Variants in ATRX observed in about 807,000 individuals in gnomAD.
The protein encoded by ATRX is ATRX chromatin remodeler, also known as chromatin remodeler ATRX.
Under a neutral mutation model 172.6 loss-of-function variants are expected in ATRX, and 12 were observed. The ratio of observed to expected loss-of-function variants is 0.07; its 90% confidence interval spans 0.04 to 0.11. The LOEUF (loss-of-function observed/expected upper bound fraction) is 0.11, where lower values mean the gene tolerates loss of function less well. Among genes scored for constraint, ATRX ranks in the 10% least tolerant of loss-of-function variants. The pLI is 1.00. For missense variants in ATRX, 1,368 were observed against 1,767.4 expected, an observed-to-expected ratio of 0.77 and a Z score of 4.05; for synonymous variants, 674 against 594.7, an observed-to-expected ratio of 1.13 and a Z score of -1.94.
chrX:77,586,781 AGGTGTGGTAGCTCAC>A (rs1306393025), intron 27 of ATRX, among the ~76,000 whole-genome samples: 41 of 112,092 alleles, frequency 3.7e-4, no homozygotes, highest in Non-Finnish European at 7.3e-4. Flanking sequence ...AAATTAGGCC[AGGTGTGGTAGCTCAC>A]GCCTGTAATC....
chrX:77,528,205 T>C lies in ATRX; in HGVS notation c.6700-4804A>G, dbSNP rs368602548. Among the ~76,000 whole-genome samples the C allele has an allele frequency of 7.2e-5, 8 of 110,763 alleles. No individual in the cohort carries two copies. The East Asian group carries it at 1.4e-3, about 20-fold the overall frequency. Reference sequence around the variant, plus strand: ...CCAGATTGTAGCCAGACTGCTTCTTTGACAGGTCCCGACCCACTCCTGCAG... The same window carrying C: ...CCAGATTGTAGCCAGACTGCTTCTTCGACAGGTCCCGACCCACTCCTGCAG... On this transcript the variant is annotated intron_variant, in intron 30 of 34. Coordinates refer to ENST00000373344, the MANE Select transcript of ATRX (RefSeq NM_000489.6).
intron 30 of ATRX, among the ~76,000 whole-genome samples, chrX:77,538,687 T>C (rs1339987424): frequency 9.0e-6 from 1 of 111,372 alleles, no homozygotes; most frequent in Non-Finnish European, 1.9e-5. Flanking sequence ...TTACCTAAAA[T>C]GAAAAACACA....
Position 77,620,384 on chromosome X carries a change from T to C in ATRX, c.5272+11A>G, listed in dbSNP as rs1369121250. The C allele has an allele frequency of 2.5e-6, 3 of 1,205,904 alleles. No homozygotes were observed. The highest frequency in any genetic ancestry group is 3.4e-6 in the Non-Finnish European group (3 of 890,734). ...CAATATTCTACTGCATAATCAGAGA[T>C]ATTAACTCACACTCAATTAGGTTAT... On this transcript the variant is annotated intron_variant, in intron 20 of 34. Coordinates refer to ENST00000373344, the MANE Select transcript of ATRX (RefSeq NM_000489.6).
chrX:77,617,187 T>C lies in ATRX; in HGVS notation c.5449-457A>G, dbSNP rs2148248214. On this transcript the variant is annotated intron_variant, in intron 21 of 34. Transcript: ENST00000373344. The stretch of plus-strand genomic sequence containing the variant: ...TATGCTAATATGTCAAACAATAACA[T>C]ATAATTTTAGAGGGAATATTTGCCC... Among the ~76,000 whole-genome samples the C allele has an allele frequency of 1.8e-5, 2 of 111,943 alleles. 1 individual carries two copies. Among genetic ancestry groups the C allele is most frequent in the South Asian group, 7.4e-4 (2 of 2,713 alleles).
chrX:77,615,674 A>G (rs1053945619), intron 22 of ATRX, among the ~76,000 whole-genome samples: 9 of 111,821 alleles, frequency 8.0e-5, no homozygotes, highest in Non-Finnish European at 1.3e-4. Flanking sequence ...TCCATAAAAT[A>G]CTAAGATTCA....
chrX:77,526,878 G>A (rs2063399279), intron 30 of ATRX, among the ~76,000 whole-genome samples: 1 of 112,304 alleles, frequency 8.9e-6, no homozygotes, highest in Non-Finnish European at 1.9e-5. Context: ...ACTGTCTAAG[G>A]TCAGGTTATG....
At chrX:77,770,095 G>A (rs976271993) in intron 1 of ATRX, among the ~76,000 whole-genome samples, 2 of 109,637 alleles carry the variant, frequency 1.8e-5, no homozygotes, top group African/African-American at 3.3e-5. Flanking sequence ...ATAAAAATGG[G>A]AAATGATAAA....
intron 1 of ATRX, among the ~76,000 whole-genome samples, chrX:77,766,008 G>T (rs1198361427): frequency 1.8e-5 from 2 of 111,302 alleles, no homozygotes; most frequent in Non-Finnish European, 3.8e-5. Flanking sequence ...AGGGTTGGGG[G>T]TAAGGTCACA....
intron 28 of ATRX, among the ~76,000 whole-genome samples, chrX:77,561,095 C>T (rs1236648147): frequency 9.0e-6 from 1 of 110,605 alleles, no homozygotes; most frequent in Non-Finnish European, 1.9e-5. Flanking sequence ...ATTATGATGA[C>T]AAGTTTCATC....
chrX:77,596,846 AT>A (rs1270346164), intron 25 of ATRX: 3 of 111,363 alleles, frequency 2.7e-5, no homozygotes, highest in Non-Finnish European at 3.8e-5. Context: ...TAAAAAAAAA[AT>A]CTCAGTATAC....
chrX:77,731,129 C>G (rs187822624), intron 1 of ATRX, among the ~76,000 whole-genome samples: 1 of 100,412 alleles, frequency 1.0e-5, no homozygotes, highest in Non-Finnish European at 2.0e-5. Flanking sequence ...AATATATAAA[C>G]CAGAGATGAG....
chrX:77,529,821 T>A (rs1364284206), intron 30 of ATRX, among the ~76,000 whole-genome samples: 2 of 111,982 alleles, frequency 1.8e-5, no homozygotes, highest in Non-Finnish European at 3.8e-5. Context: ...CTTAGAGACC[T>A]ACAAAGAGAA....
At chrX:77,560,485 A>G (rs1478912536) in intron 28 of ATRX, among the ~76,000 whole-genome samples, 2 of 111,303 alleles carry the variant, frequency 1.8e-5, no homozygotes, top group African/African-American at 3.3e-5. Context: ...ATGATTGTAC[A>G]GTAATTTATT....
At chrX:77,607,327 T>C (rs781891110) in intron 22 of ATRX, among the ~76,000 whole-genome samples, 6 of 112,404 alleles carry the variant, frequency 5.3e-5, no homozygotes, top group Non-Finnish European at 7.5e-5. Flanking sequence ...CAAAAATCAT[T>C]GGCATTTCTA....
chrX:77,663,326 C>A (rs2148486107), intron 12 of ATRX, 56 bp downstream of exon 12: 2 of 1,178,367 alleles, frequency 1.7e-6, no homozygotes, highest in South Asian at 1.8e-5. Flanking sequence ...GGATTACAGG[C>A]ATAAGCCACT....
intron 1 of ATRX, among the ~76,000 whole-genome samples, chrX:77,761,399 T>G (rs1321198080): frequency 9.1e-6 from 1 of 110,186 alleles, no homozygotes; most frequent in African/African-American, 3.3e-5. Context: ...TAGCCAGGCA[T>G]GGTAGCATAC....
At chrX:77,697,256 CAT>C (rs2072237718) in intron 4 of ATRX, among the ~76,000 whole-genome samples, 2 of 111,537 alleles carry the variant, frequency 1.8e-5, no homozygotes, top group African/African-American at 6.5e-5. Context: ...CCCACTGCCT[CAT>C]AGGCATTCAA....
Position 77,586,048 on chromosome X carries a change from T to C in ATRX, c.6217+3786A>G, listed in dbSNP as rs192683424. The stretch of plus-strand genomic sequence containing the variant: ...ATGGTTAGCAGGTACAAATATATAG[T>C]TGGAATGAATAAAAACTAGTAATTG... On this transcript the variant is annotated intron_variant, in intron 27 of 34. Coordinates refer to ENST00000373344, the MANE Select transcript of ATRX (RefSeq NM_000489.6). 1.6e-4 allele frequency among the ~76,000 whole-genome samples: 18 copies of C among 111,405 alleles called. No homozygotes were observed. The Admixed American group carries it at 1.7e-3, about 11-fold the overall frequency.
At chrX:77,775,874 G>A (rs1252195348) in intron 1 of ATRX, among the ~76,000 whole-genome samples, 3 of 110,440 alleles carry the variant, frequency 2.7e-5, no homozygotes, top group African/African-American at 6.6e-5. Context: ...TGGGATTACA[G>A]GCATGCGCCA....
Sources: allele counts gnomAD v4.1 joint callset (sites outside exome capture counted in the v4.1 genomes callset), GRCh38; gene constraint gnomAD v4.1.1; transcripts MANE v1.5; gene names NCBI Gene and HGNC (gene_info 2026-07-23, HGNC 2026-07-21).